MSR1: variants seen among roughly 807,000 people sequenced by gnomAD.
MSR1 encodes macrophage scavenger receptor types I and II.
MSR1 carries 53 observed loss-of-function variants against 47.2 expected under a neutral mutation model. The ratio of observed to expected loss-of-function variants is 1.12; its 90% CI spans 0.90 to 1.41. MSR1 has a LOEUF of 1.41. Among genes scored for constraint, MSR1 ranks in the 40% most tolerant of loss-of-function variants. The probability of loss-of-function intolerance (pLI) is 0.00; values close to 1 mark genes in which losing one functional copy is unlikely to be tolerated. For synonymous variants in MSR1, 239 were observed against 185.6 expected, an observed-to-expected ratio of 1.29 and a Z score of -2.34; for missense variants, 786 against 546.9, an observed-to-expected ratio of 1.44 and a Z score of -4.36.
In MSR1 at chr8:16,159,215, C is replaced by CTAGGAAATATTTT. The variant is rs199569884; in HGVS notation, c.818-4072_818-4071insAAAATATTTCCTA. On this transcript the variant is annotated intron_variant, in intron 5 of 9. Coordinates refer to ENST00000262101, the MANE Select transcript of MSR1 (RefSeq NM_138715.3). ...AAAAATCAATATTTCTTTTTTGGTG[C>CTAGGAAATATTTT]TTTCATATCCTAGGAAGCCAATATA... is the stretch of plus-strand genomic sequence containing the variant. Among the ~76,000 whole-genome samples the CTAGGAAATATTTT allele has an allele frequency of 5.0e-3, 757 of 151,742 alleles. 23 individuals are homozygous for CTAGGAAATATTTT. Among genetic ancestry groups the CTAGGAAATATTTT allele is most frequent in the East Asian group, 0.033 (172 of 5,152 alleles).
chr8:16,143,937 C>G (rs572471175), intron 7 of MSR1, among the ~76,000 whole-genome samples: 1 of 152,170 alleles, frequency 6.6e-6, no homozygotes, highest in Admixed American at 6.5e-5. Flanking sequence ...CTTACTCACA[C>G]CCCCAGGAAG....
intron 8 of MSR1, among the ~76,000 whole-genome samples, chr8:16,129,144 G>A (rs1437907655): frequency 6.6e-6 from 1 of 151,988 alleles, no homozygotes; most frequent in Non-Finnish European, 1.5e-5. Context: ...CAGTTAAAGA[G>A]GTTTACTTGT....
chr8:16,133,960 G>GGA (rs1229708613), intron 8 of MSR1, among the ~76,000 whole-genome samples: 1 of 152,152 alleles, frequency 6.6e-6, no homozygotes. Flanking sequence ...TGCTGTCTCA[G>GGA]TTCTTTTCAA....
chr8:16,145,116 C>T (rs184920755), intron 7 of MSR1, among the ~76,000 whole-genome samples: 32 of 152,088 alleles, frequency 2.1e-4, no homozygotes, highest in South Asian at 1.5e-3. Flanking sequence ...TAATGAAATG[C>T]CAACCATTTT....
chr8:16,148,301 C>A (rs989894243), intron 7 of MSR1, among the ~76,000 whole-genome samples: 3 of 152,034 alleles, frequency 2.0e-5, no homozygotes, highest in African/African-American at 7.2e-5. Flanking sequence ...CACACAGTGA[C>A]CCCTCATCAA....
intron 1 of MSR1, chr8:16,186,322 T>G (rs1801999117): frequency 1.2e-6 from 1 of 839,684 alleles, no homozygotes; most frequent in African/African-American, 1.7e-5. Flanking sequence ...TTCACTCCCT[T>G]GGTGATCTCA....
intron 5 of MSR1, among the ~76,000 whole-genome samples, chr8:16,160,692 G>A (rs1801136290): frequency 6.6e-6 from 1 of 152,002 alleles, no homozygotes. Context: ...CCAAGAAGGA[G>A]TAGAGACGTA....
At chr8:16,157,545 A>G (rs756370739) in intron 5 of MSR1, among the ~76,000 whole-genome samples, 2 of 151,868 alleles carry the variant, frequency 1.3e-5, no homozygotes, top group African/African-American at 2.4e-5. Flanking sequence ...TTAATCTCAC[A>G]TTATGTTTCA....
At chr8:16,170,457 T>C (rs1002423681) in intron 3 of MSR1, among the ~76,000 whole-genome samples, 22 of 152,204 alleles carry the variant, frequency 1.4e-4, no homozygotes, top group African/African-American at 3.9e-4. Flanking sequence ...TATATCTCTC[T>C]ATATGTATCT....
intron 7 of MSR1, among the ~76,000 whole-genome samples, chr8:16,144,668 T>C (rs920908984): frequency 3.3e-5 from 5 of 152,116 alleles, no homozygotes; most frequent in East Asian, 1.9e-4. Flanking sequence ...TTTATTCTTC[T>C]ATAAAATAAA....
chr8:16,117,012 C>T (rs1038224063), intron 9 of MSR1, among the ~76,000 whole-genome samples: 19 of 152,252 alleles, frequency 1.2e-4, no homozygotes, highest in African/African-American at 4.3e-4. Flanking sequence ...AAAAGCCTCA[C>T]CTCAGCCACT....
chr8:16,140,749 G>C, intron 8 of MSR1: 1 of 1,427,650 alleles, frequency 7.0e-7, no homozygotes, highest in Non-Finnish European at 9.1e-7. Context: ...GTCCAGGCTG[G>C]GGGTGATAGG....
At chr8:16,149,076 A>C (rs1430999813) in intron 7 of MSR1, among the ~76,000 whole-genome samples, 1 of 152,138 alleles carries the variant, frequency 6.6e-6, no homozygotes, top group African/African-American at 2.4e-5. Flanking sequence ...AGGGCAGTGA[A>C]ACTATTCTGT....
chr8:16,155,099 C>G lies in MSR1; in HGVS notation c.863G>C (p.Gly288Ala), dbSNP rs951780890. ...PGEKGDRGPT[G>A]ESGPRGFPGP... Reference sequence around the variant, plus strand: ...TGGAAATCCTCGTGGACCACTTTCTCCAGTGGGACCTCGATCTCCTTTTTC... The same window carrying G: ...TGGAAATCCTCGTGGACCACTTTCTGCAGTGGGACCTCGATCTCCTTTTTC... The change falls in exon 6 of 10, where the codon GGA (glycine) becomes GCA (alanine). Residue 288 changes from glycine (G) to alanine (A), a missense_variant. Coordinates refer to ENST00000262101, the MANE Select transcript of MSR1 (RefSeq NM_138715.3). 1 of 1,612,244 alleles carries G rather than the reference C, an allele frequency of 6.2e-7. No homozygotes were observed. Among genetic ancestry groups the G allele is most frequent in the Non-Finnish European group, 8.5e-7 (1 of 1,178,802 alleles).
At chr8:16,143,274 T>C (rs988872280) in intron 8 of MSR1, among the ~76,000 whole-genome samples, 3 of 152,118 alleles carry the variant, frequency 2.0e-5, no homozygotes, top group Non-Finnish European at 4.4e-5. Context: ...TGGATAGAAA[T>C]TGACTTGAAA....
chr8:16,186,420 C>T, intron 1 of MSR1: 3 of 524,434 alleles, frequency 5.7e-6, no homozygotes, highest in East Asian at 2.9e-5. Context: ...CAACTACAAA[C>T]CCATATATGC....
chr8:16,140,580 C>G lies in MSR1; in HGVS notation c.1033+2978G>C, dbSNP rs115232574. On this transcript the variant is annotated intron_variant, in intron 8 of 9. Transcript: ENST00000262101. The stretch of plus-strand genomic sequence containing the variant: ...AAGTGTTATATTGTATGGTAGGAAT[C>G]GCTTTGCTTGACTGAAACATCACTC... 2,163 of 1,062,290 alleles carry G rather than the reference C, an allele frequency of 2.0e-3. 34 individuals carry two copies. In the African/African-American group the frequency reaches 0.033, roughly 16 times the overall value. 65.8% of individuals were successfully genotyped at this position (1,062,290 alleles called of 1,614,324 possible). A position where few individuals can be genotyped will look rare whatever the true frequency, so the allele number is the denominator to read the frequency against.
At chr8:16,167,897 G>A (rs1432844937) in intron 4 of MSR1, among the ~76,000 whole-genome samples, 2 of 152,078 alleles carry the variant, frequency 1.3e-5, no homozygotes, top group South Asian at 2.1e-4. Flanking sequence ...TATTAACAAT[G>A]TAGGAAACAC....
intron 3 of MSR1, among the ~76,000 whole-genome samples, chr8:16,170,600 C>T (rs1443056344): frequency 6.6e-6 from 1 of 152,100 alleles, no homozygotes; most frequent in East Asian, 1.9e-4. Context: ...TGCAGCTCCA[C>T]CTGAGTCTAT....
Sources: gnomAD v4.1 joint callset for allele counts (sites outside exome capture counted in the v4.1 genomes callset) on GRCh38, gnomAD v4.1.1 for gene constraint, MANE v1.5 for transcripts, NCBI Gene and HGNC (gene_info 2026-07-23, HGNC 2026-07-21) for gene names.